SRRT: variants seen among roughly 807,000 people sequenced by gnomAD.
SRRT encodes serrate, RNA effector molecule, also known as serrate RNA effector molecule homolog.
Under a neutral mutation model 103.2 loss-of-function variants are expected in SRRT, and 32 were observed. The observed-to-expected ratio is 0.31, with a 90% CI of 0.23 to 0.42. SRRT has a LOEUF of 0.42. SRRT is among the 10% of genes least tolerant of loss of function. The probability of loss-of-function intolerance (pLI) is 1.00; values close to 1 mark genes in which losing one functional copy is unlikely to be tolerated. For missense variants in SRRT, 986 were observed against 1,207.5 expected (o/e 0.82, Z 2.72); for synonymous variants, 525 against 449.0 (o/e 1.17, Z -2.14).
In SRRT at chr7:100,882,378, T is replaced by C; in HGVS notation, c.587+137T>C. The C allele has an allele frequency of 1.1e-6, 1 of 942,206 alleles. No individual in the cohort carries two copies. The highest frequency in any genetic ancestry group is 1.6e-6 in the Non-Finnish European group (1 of 640,174). The allele number at this position is 942,206 out of a possible 1,614,324, so 58.4% of individuals were successfully genotyped here. On this transcript the variant is annotated intron_variant, in intron 5 of 19. Transcript: ENST00000611405. This position sits in a 1 kb window ranked among gnomAD's most constrained non-coding sequence, Gnocchi z 4.2. ...GCGGGGGTCGGGAAGTATGACAGCA[T>C]TGGCTGATGGGGTCTCCCCCTCACT...
intron 6 of SRRT, 28 bp downstream of exon 6, chr7:100,884,267 A>G: frequency 6.2e-7 from 1 of 1,613,854 alleles, no homozygotes; most frequent in Non-Finnish European, 8.5e-7. Context: ...GGTGGCAGGC[A>G]TCTGGGCCCC....
At chr7:100,877,062 C>T (rs936217130) in intron 2 of SRRT, among the ~76,000 whole-genome samples, 3 of 151,730 alleles carry the variant, frequency 2.0e-5, no homozygotes, top group Admixed American at 2.0e-4. Flanking sequence ...CTGTTGGTGC[C>T]ATAGCAATGA....
At position 100,887,386 on chromosome 7, in the gene SRRT, C is replaced by T. The variant is rs1563025468; in HGVS notation, c.2042C>T (p.Ser681Leu). 6.2e-7 allele frequency: 1 copy of T among 1,614,204 alleles called. No individual in the cohort carries two copies. The stretch of plus-strand genomic sequence containing the variant: ...TTGCTGAGTGTGCGGGAGTCACTCT[C>T]AGAGGAAGAGGCCCAGAAGATGGGG... ...TPLLSVRESL[S>L]EEEAQKMGRK... is the part of the protein sequence containing the mutation. The change falls in exon 16 of 20, where the codon TCA becomes TTA. Residue 681 changes from serine (S) to leucine (L), a missense_variant. By Grantham distance (145) the Ser-to-Leu change is moderately radical. Around this residue, in one of 6 missense-constraint regions of SRRT, gnomAD observed 349 missense variants for 446.9 expected, o/e 0.78. Coordinates refer to ENST00000611405, the MANE Select transcript of SRRT (RefSeq NM_015908.6). The surrounding 1 kb of genome is among the most constrained non-coding windows in gnomAD (Gnocchi z 4.1).
Position 100,887,456 on chromosome 7 carries a change from C to T in SRRT, c.2112C>T (p.Asn704=), listed in dbSNP as rs1748173877. Residue 704 remains asparagine, a synonymous_variant, in exon 16 of 20, where the codon AAC becomes AAT. Coordinates refer to ENST00000611405, the MANE Select transcript of SRRT (RefSeq NM_015908.6). The surrounding 1 kb of genome is among the most constrained non-coding windows in gnomAD (Gnocchi z 4.1). The part of the protein sequence containing the change: ...EQEVEKFVTS[N]TQELGKDKWL... ...AAGTGGAGAAGTTCGTCACCTCCAACACGCAGGAACTGGGCAAGGATAAGT... is the reference window on the plus strand; with the variant it reads ...AAGTGGAGAAGTTCGTCACCTCCAATACGCAGGAACTGGGCAAGGATAAGT... 1 of 1,614,080 alleles carries T rather than the reference C, an allele frequency of 6.2e-7. No homozygotes were observed. Among genetic ancestry groups the T allele is most frequent in the Non-Finnish European group, 8.5e-7 (1 of 1,180,044 alleles).
Position 100,882,094 on chromosome 7 carries a change from C to T in SRRT, c.440C>T (p.Pro147Leu), listed in dbSNP as rs1221108567. 6.2e-7 allele frequency: 1 copy of T among 1,614,084 alleles called. No homozygotes were observed. Among genetic ancestry groups the T allele is most frequent in the Non-Finnish European group, 8.5e-7 (1 of 1,179,998 alleles). ...IAEIDLGVPP[P>L]VMKTFKEFLL... is the part of the protein sequence containing the mutation. ...GAGATTGACCTGGGTGTGCCGCCGCCCGTGATGAAGACCTTCAAGGAGTTT... is the reference window on the plus strand; with the variant it reads ...GAGATTGACCTGGGTGTGCCGCCGCTCGTGATGAAGACCTTCAAGGAGTTT... The change falls in exon 5 of 20, where the codon CCC (proline) becomes CTC (leucine). Residue 147 changes from proline to leucine, a missense_variant. This residue lies in a region of SRRT where 274 missense variants were observed against 358.5 expected (regional missense o/e 0.76). Transcript: ENST00000611405. The surrounding 1 kb of genome is among the most constrained non-coding windows in gnomAD (Gnocchi z 4.2).
chr7:100,878,523 T>C (rs1258237245), intron 2 of SRRT, among the ~76,000 whole-genome samples: 2 of 152,178 alleles, frequency 1.3e-5, no homozygotes, highest in Non-Finnish European at 2.9e-5. Flanking sequence ...TGATACTATT[T>C]CAGATTGAAG....
chr7:100,883,268 C>G (rs1789747933), intron 5 of SRRT, among the ~76,000 whole-genome samples: 1 of 152,204 alleles, frequency 6.6e-6, no homozygotes, highest in Admixed American at 6.5e-5. Context: ...ACCTTCTTCC[C>G]TGTTGGTTTT....
chr7:100,881,522 C>A, intron 3 of SRRT, 109 bp downstream of exon 3: 1 of 1,561,268 alleles, frequency 6.4e-7, no homozygotes, highest in Non-Finnish European at 8.7e-7. Flanking sequence ...TTCTCAACTT[C>A]CCATCACCCA....
Position 100,886,838 on chromosome 7 carries a change from A to T in SRRT, c.1691A>T (p.Tyr564Phe). The T allele has an allele frequency of 6.2e-7, 1 of 1,614,074 alleles. No individual in the cohort carries two copies. Among genetic ancestry groups the T allele is most frequent in the African/African-American group, 1.3e-5 (1 of 75,018 alleles). The part of the protein sequence containing the change: ...QNPILKNITD[Y>F]LIEEVSAEEE... ...CCGATCTTGAAGAATATCACCGACT[A>T]CCTGATCGAGGAAGTAAGCGCCGAG... Residue 564 changes from tyrosine (Y) to phenylalanine (F), a missense_variant, in exon 14 of 20, where the codon TAC becomes TTC. Physicochemically the swap from Tyr to Phe is conservative, Grantham distance 22. Transcript: ENST00000611405.
chr7:100,886,617 A>G lies in SRRT; in HGVS notation c.1648-178A>G. On this transcript the variant is annotated intron_variant, in intron 13 of 19. Coordinates refer to ENST00000611405, the MANE Select transcript of SRRT (RefSeq NM_015908.6). ...CAGCAGAACTGGGGGGATGCTAGTG[A>G]TCATTTGTGGCTGGGGTGGAACAAA... is the stretch of plus-strand genomic sequence containing the variant. 4.1e-6 allele frequency: 4 copies of G among 964,394 alleles called. No homozygotes were observed. The South Asian group carries it at 6.4e-5, about 16-fold the overall frequency. The allele number at this position is 964,394 out of a possible 1,614,324, so 59.7% of individuals were successfully genotyped here.
rs1446599494 is a variant in SRRT at position 100,885,513 on chromosome 7, C to G, written c.1317+143C>G. ...CCCCAGGTTCCATGGCCTCCGAGGA[C>G]TAGTCCTGATAGCGCCATTGGCTTT... On this transcript the variant is annotated intron_variant, in intron 10 of 19. Transcript: ENST00000611405. This position sits in a 1 kb window ranked among gnomAD's most constrained non-coding sequence, Gnocchi z 4.8. The G allele has an allele frequency of 9.0e-7, 1 of 1,109,008 alleles. No individual in the cohort carries two copies. The highest frequency in any genetic ancestry group is 1.3e-6 in the Non-Finnish European group (1 of 777,496). The allele number at this position is 1,109,008 out of a possible 1,614,324, so 68.7% of individuals were successfully genotyped here. A position where few individuals can be genotyped will look rare whatever the true frequency, so the allele number is the denominator to read the frequency against.
At position 100,885,613 on chromosome 7, in the gene SRRT, C is replaced by A; in HGVS notation, c.1318-88C>A. On this transcript the variant is annotated intron_variant, in intron 10 of 19. Transcript: ENST00000611405. This position sits in a 1 kb window ranked among gnomAD's most constrained non-coding sequence, Gnocchi z 4.8. ...TGGGAAGAGTGATAAGGCAGTTAGT[C>A]CCTAGGGTTCTGAGGGCAGTGGGGG... is the stretch of plus-strand genomic sequence containing the variant. 3 of 1,394,772 alleles carry A rather than the reference C, an allele frequency of 2.2e-6. No individual in the cohort carries two copies. The highest frequency in any genetic ancestry group is 3.0e-6 in the Non-Finnish European group (3 of 1,004,530). The allele number at this position is 1,394,772 out of a possible 1,614,324, so 86.4% of individuals were successfully genotyped here. A position where few individuals can be genotyped will look rare whatever the true frequency, so the allele number is the denominator to read the frequency against.
At position 100,875,647 on chromosome 7, in the gene SRRT, G is replaced by A. The variant is rs1450966337; in HGVS notation, c.57G>A (p.Glu19=). The A allele has an allele frequency of 9.9e-6, 16 of 1,614,194 alleles. No homozygotes were observed. Among genetic ancestry groups the A allele is most frequent in the Non-Finnish European group, 1.4e-5 (16 of 1,180,002 alleles). The change falls in exon 2 of 20, where the codon GAG becomes GAA. Residue 19 remains glutamate (E), a synonymous_variant. Transcript: ENST00000611405. ...GGCGCAGGGACAAGTTCAGAAGAGA[G>A]CGCAGCGACTACGACCGTTCCCGCG... ...DRRRRDKFRR[E]RSDYDRSRER...
chr7:100,881,753 G>A lies in SRRT; in HGVS notation c.346G>A (p.Gly116Ser). 6.2e-7 allele frequency: 1 copy of A among 1,613,850 alleles called. No individual in the cohort carries two copies. Among genetic ancestry groups the A allele is most frequent in the Non-Finnish European group, 8.5e-7 (1 of 1,179,966 alleles). ...GPTYGPPQPWGHPDVHIMQHH... is the reference protein window; with the variant it reads ...GPTYGPPQPWSHPDVHIMQHH... ...AACTTATGGCCCCCCTCAGCCCTGGGGCCACCCTGACGTCCACATCATGCA... is the reference window on the plus strand; with the variant it reads ...AACTTATGGCCCCCCTCAGCCCTGGAGCCACCCTGACGTCCACATCATGCA... Residue 116 changes from glycine to serine, a missense_variant, in exon 4 of 20, where the codon GGC (glycine) becomes AGC (serine). Physicochemically the swap from Gly to Ser is moderately conservative, Grantham distance 56. Transcript: ENST00000611405.
chr7:100,875,254 C>T lies in SRRT; in HGVS notation c.-93C>T. On this transcript the variant is annotated 5_prime_UTR_variant, in exon 1 of 20. Transcript: ENST00000611405. ...GTCTCGCCCTCCTCGAAGTCCTCGT[C>T]GCGCGCCCGCGACCCAGGTCGCCCT... is the stretch of plus-strand genomic sequence containing the variant. The T allele has an allele frequency of 2.1e-6, 1 of 477,900 alleles. No homozygotes were observed. Among genetic ancestry groups the T allele is most frequent in the Non-Finnish European group, 3.1e-6 (1 of 323,660 alleles). The allele number at this position is 477,900 out of a possible 1,614,324, so 29.6% of individuals were successfully genotyped here.
rs1183608075 is a variant in SRRT, at chr7:100,882,426, C to T, written c.587+185C>T. On this transcript the variant is annotated intron_variant, in intron 5 of 19. Coordinates refer to ENST00000611405, the MANE Select transcript of SRRT (RefSeq NM_015908.6). The surrounding 1 kb of genome is among the most constrained non-coding windows in gnomAD (Gnocchi z 4.2). ...ACTTCAGCAACTGCCACGGCCCCCG[C>T]CCCGCCCTGTCTCCTGTCCTGCTGT... The T allele has an allele frequency of 3.2e-6, 2 of 617,860 alleles. No individual in the cohort carries two copies. Among genetic ancestry groups the T allele is most frequent in the Non-Finnish European group, 5.5e-6 (2 of 364,466 alleles). The allele number at this position is 617,860 out of a possible 1,614,324, so 38.3% of individuals were successfully genotyped here. A position where few individuals can be genotyped will look rare whatever the true frequency, so the allele number is the denominator to read the frequency against.
chr7:100,881,576 G>T (rs759900952), intron 3 of SRRT, 83 bp from the exon 4 acceptor site: 1 of 1,591,914 alleles, frequency 6.3e-7, no homozygotes, highest in Non-Finnish European at 8.6e-7. Flanking sequence ...AGACCATGCT[G>T]TGTGTACCCC....
At position 100,887,783 on chromosome 7, in the gene SRRT, T is replaced by C. The variant is rs1463668082; in HGVS notation, c.2250T>C (p.Phe750=). The change falls in exon 17 of 20, where the codon TTT becomes TTC. Residue 750 remains phenylalanine (F), a synonymous_variant. Transcript: ENST00000611405. This position sits in a 1 kb window ranked among gnomAD's most constrained non-coding sequence, Gnocchi z 4.1. ...AAGTGAAAAAGGAAGTCGCGTTTTT[T>C]AACAACTTCCTCACTGATGCTAAGC... ...IEEVKKEVAF[F]NNFLTDAKRP... 9 of 1,613,544 alleles carry C rather than the reference T, an allele frequency of 5.6e-6. No individual in the cohort carries two copies. In the Admixed American group the frequency reaches 1.2e-4, roughly 21 times the overall value.
chr7:100,881,922 A>AGGGGTGGTAGCTGTTGGGGTTT (rs1392324801), intron 4 of SRRT, 117 bp downstream of exon 4: 24 of 1,470,014 alleles, frequency 1.6e-5, no homozygotes, highest in Non-Finnish European at 2.1e-5. Context: ...TCCCTGGGGT[A>AGGGGTGGTAGCTGTTGGGGTTT]GGGGTGGTAG....
Sources: allele counts gnomAD v4.1 joint callset (sites outside exome capture counted in the v4.1 genomes callset), GRCh38; gene constraint gnomAD v4.1.1; regional missense constraint gnomAD v4.1.1; non-coding constraint Gnocchi (gnomAD v3.1); transcripts MANE v1.5; gene names NCBI Gene and HGNC (gene_info 2026-07-23, HGNC 2026-07-21).